CADPS2: variants seen among roughly 807,000 people sequenced by gnomAD.
CADPS2 encodes the protein calcium dependent secretion activator 2.
CADPS2 carries 93 observed loss-of-function variants against 172.5 expected under a neutral mutation model. That is an observed-to-expected ratio of 0.54 (90% CI 0.46 to 0.64). The LOEUF is 0.64. Among genes scored for constraint, CADPS2 ranks in the 30% least tolerant of loss-of-function variants. The probability of loss-of-function intolerance (pLI) is 0.00; values close to 1 mark genes in which losing one functional copy is unlikely to be tolerated. For synonymous variants in CADPS2, 546 were observed against 555.2 expected (o/e 0.98, Z 0.23); for missense variants, 1,420 against 1,565.9 (o/e 0.91, Z 1.57).
At chr7:122,862,361 C>G (rs1176445726) in intron 1 of CADPS2, among the ~76,000 whole-genome samples, 1 of 152,126 alleles carries the variant, frequency 6.6e-6, no homozygotes, top group African/African-American at 2.4e-5. Flanking sequence ...TTTGGTTTCC[C>G]TTTTTGTGAA....
chr7:122,408,767 A>C (rs924370897), intron 19 of CADPS2, among the ~76,000 whole-genome samples: 1 of 152,280 alleles, frequency 6.6e-6, no homozygotes, highest in East Asian at 1.9e-4. Context: ...TACAAACCAC[A>C]AAAAAGGGGA....
chr7:122,571,674 C>A (rs2067276595), intron 7 of CADPS2, among the ~76,000 whole-genome samples: 1 of 152,112 alleles, frequency 6.6e-6, no homozygotes, highest in Admixed American at 6.6e-5. Context: ...GTGAATTAGC[C>A]CTGGACCTTT....
chr7:122,651,849 G>C (rs180684525), intron 3 of CADPS2, among the ~76,000 whole-genome samples: 189 of 152,246 alleles, frequency 1.2e-3, no homozygotes, highest in Non-Finnish European at 1.4e-3. Context: ...AAAATTATAG[G>C]AGTAGATATG....
At chr7:122,513,218 A>C (rs747938660) in intron 9 of CADPS2, 31 bp downstream of exon 9, 19 of 1,454,762 alleles carry the variant, frequency 1.3e-5, no homozygotes, top group Non-Finnish European at 1.8e-5. Context: ...GCTATCTTAG[A>C]GTGATTATTT....
At chr7:122,629,392 C>T (rs1024529849) in intron 3 of CADPS2, 64 bp from the exon 4 acceptor site, 9 of 1,205,560 alleles carry the variant, frequency 7.5e-6, no homozygotes, top group East Asian at 2.7e-5. Flanking sequence ...GACCCACAGA[C>T]TGAGGCAGTC....
At chr7:122,577,271 C>T (rs538282625) in intron 7 of CADPS2, among the ~76,000 whole-genome samples, 10 of 152,064 alleles carry the variant, frequency 6.6e-5, no homozygotes, top group Non-Finnish European at 1.2e-4. Context: ...GCTAATACTG[C>T]GTATAACACA....
chr7:122,817,457 G>A (rs908035079), intron 1 of CADPS2, among the ~76,000 whole-genome samples: 17 of 152,098 alleles, frequency 1.1e-4, no homozygotes, highest in Admixed American at 3.9e-4. Flanking sequence ...AGACAAAGGC[G>A]ACACGTTTTA....
chr7:122,535,748 G>A (rs1012762248), intron 8 of CADPS2, among the ~76,000 whole-genome samples: 14 of 151,804 alleles, frequency 9.2e-5, no homozygotes, highest in Non-Finnish European at 1.6e-4. Context: ...GGCAAGAGTT[G>A]TAGATTGATG....
chr7:122,330,543 G>A (rs2150801992), intron 28 of CADPS2, among the ~76,000 whole-genome samples: 1 of 152,154 alleles, frequency 6.6e-6, no homozygotes, highest in African/African-American at 2.4e-5. Context: ...ATCATACCTG[G>A]GTTCCATAAA....
intron 5 of CADPS2, among the ~76,000 whole-genome samples, chr7:122,618,123 T>C (rs1426812197): frequency 6.6e-6 from 1 of 152,214 alleles, no homozygotes; most frequent in Non-Finnish European, 1.5e-5. Flanking sequence ...CGTTTGTTTT[T>C]CTAGTATTGC....
At chr7:122,743,775 C>T (rs2092603288) in intron 1 of CADPS2, among the ~76,000 whole-genome samples, 1 of 152,180 alleles carries the variant, frequency 6.6e-6, no homozygotes, top group African/African-American at 2.4e-5. Flanking sequence ...CTATTTTCTT[C>T]TTCCCTTCCT....
chr7:122,360,861 T>C lies in CADPS2; in HGVS notation c.3472-41A>G, dbSNP rs1221778665. On this transcript the variant is annotated intron_variant, in intron 26 of 29. Transcript: ENST00000449022. The stretch of plus-strand genomic sequence containing the variant: ...AAGAGATAATCATGAGAATTATTTT[T>C]TTAACTGCCATATAAGTACTATGAC... 1.9e-6 allele frequency: 3 copies of C among 1,588,280 alleles called. No individual in the cohort carries two copies. In the African/African-American group the frequency reaches 4.0e-5, roughly 21 times the overall value.
chr7:122,615,868 T>C (rs2074852392), intron 5 of CADPS2, among the ~76,000 whole-genome samples: 1 of 152,120 alleles, frequency 6.6e-6, no homozygotes, highest in African/African-American at 2.4e-5. Flanking sequence ...AATTTGTCAC[T>C]GAACATTTTA....
At chr7:122,605,742 T>C (rs1336070987) in intron 6 of CADPS2, among the ~76,000 whole-genome samples, 1 of 152,112 alleles carries the variant, frequency 6.6e-6, no homozygotes, top group Non-Finnish European at 1.5e-5. Flanking sequence ...CCAAAACAAA[T>C]ATATCACACA....
At chr7:122,541,638 T>G (rs1268258100) in intron 8 of CADPS2, among the ~76,000 whole-genome samples, 1 of 146,092 alleles carries the variant, frequency 6.8e-6, no homozygotes, top group Non-Finnish European at 1.5e-5. Context: ...TTTTCATATA[T>G]TCATATATAT....
chr7:122,640,633 TA>T (rs755654004), intron 3 of CADPS2, among the ~76,000 whole-genome samples: 178 of 150,900 alleles, frequency 1.2e-3, no homozygotes, highest in East Asian at 3.1e-3. Flanking sequence ...AAAATAAAAA[TA>T]AAAAAAAATA....
At chr7:122,419,479 T>C (rs1372467227) in intron 17 of CADPS2, among the ~76,000 whole-genome samples, 1 of 152,206 alleles carries the variant, frequency 6.6e-6, no homozygotes, top group African/African-American at 2.4e-5. Context: ...AATTTCTCCA[T>C]TTTTAGATGA....
intron 2 of CADPS2, among the ~76,000 whole-genome samples, chr7:122,707,946 A>G (rs2087867858): frequency 6.6e-6 from 1 of 151,650 alleles, no homozygotes; most frequent in Non-Finnish European, 1.5e-5. Flanking sequence ...TCTTATTTCT[A>G]TATATATATT....
chr7:122,527,617 A>AGAGAGAGAGAGAGAGTGTGTGTGT, intron 8 of CADPS2, among the ~76,000 whole-genome samples: 81 of 83,864 alleles, frequency 9.7e-4, no homozygotes, highest in Non-Finnish European at 1.6e-3. Context: ...AGAGAGAGAG[A>AGAGAGAGAGAGAGAGTGTGTGTGT]GTGTGTGTGT....
Sources: allele counts gnomAD v4.1 joint callset (sites outside exome capture counted in the v4.1 genomes callset), GRCh38; gene constraint gnomAD v4.1.1; transcripts MANE v1.5; gene names NCBI Gene and HGNC (gene_info 2026-07-23, HGNC 2026-07-21).